Variants in OTOGL observed in about 807,000 individuals in gnomAD.
OTOGL encodes otogelin-like protein.
OTOGL carries 285 observed loss-of-function variants against 318.5 expected under a neutral mutation model. The observed-to-expected ratio is 0.89, with a 90% CI of 0.81 to 0.99. The LOEUF is 0.99. Among genes scored for constraint, OTOGL ranks in the 50% least tolerant of loss-of-function variants. OTOGL has a pLI of 0.00. For missense variants in OTOGL, 2,899 were observed against 2,845.6 expected (o/e 1.02, Z -0.43); for synonymous variants, 987 against 936.5 (o/e 1.05, Z -0.99).
chr12:80,281,274 C>G (rs114024930), intron 26 of OTOGL, among the ~76,000 whole-genome samples: 1,939 of 151,722 alleles, frequency 0.013, 40 homozygotes, highest in African/African-American at 0.044. Flanking sequence ...TCTTGTTCCA[C>G]TTCTCAGTGG....
chr12:80,207,887 A>G (rs1264246402), intron 1 of OTOGL, among the ~76,000 whole-genome samples: 1 of 152,198 alleles, frequency 6.6e-6, no homozygotes, highest in African/African-American at 2.4e-5. Context: ...TATATTTTTG[A>G]ACTAATATTT....
chr12:80,249,897 C>T (rs893615902), intron 11 of OTOGL, among the ~76,000 whole-genome samples: 2 of 152,122 alleles, frequency 1.3e-5, no homozygotes, highest in Admixed American at 6.5e-5. Flanking sequence ...GTCTGAAATG[C>T]GCAATATTCG....
At chr12:80,311,547 C>T (rs183410873) in intron 30 of OTOGL, among the ~76,000 whole-genome samples, 291 of 146,952 alleles carry the variant, frequency 2.0e-3, no homozygotes, top group African/African-American at 7.1e-3. Flanking sequence ...CTCAGCCTCC[C>T]GAGTAGCTGG....
At chr12:80,254,943 C>A in intron 15 of OTOGL, 97 bp from the exon 16 acceptor site, 1 of 1,045,476 alleles carries the variant, frequency 9.6e-7, no homozygotes, top group Non-Finnish European at 1.3e-6. Flanking sequence ...AGTTGATCTG[C>A]TTTTAAAGGA....
chr12:80,251,775 T>C lies in OTOGL; in HGVS notation c.1135T>C (p.Trp379Arg). The C allele has an allele frequency of 1.3e-6, 2 of 1,585,460 alleles. No homozygotes were observed. Among genetic ancestry groups the C allele is most frequent in the Non-Finnish European group, 1.7e-6 (2 of 1,164,544 alleles). The change falls in exon 12 of 59, where the codon TGG (tryptophan) becomes CGG (arginine). Residue 379 changes from tryptophan (W) to arginine (R), a missense_variant. By Grantham distance (101) the Trp-to-Arg change is moderately radical. This residue lies in a region of OTOGL where 2,607 missense variants were observed against 2,524.9 expected (regional missense o/e 1.03). Coordinates refer to ENST00000547103, the MANE Select transcript of OTOGL (RefSeq NM_001378609.3). ...TCATGCTGGCTACCCTATTCAAGAC[T>C]GGAGAGATGACTTTCCAGCATGCAG... Reference protein sequence around the residue: ...CSHAGYPIQDWRDDFPACTDK... With the variant: ...CSHAGYPIQDRRDDFPACTDK...
intron 26 of OTOGL, among the ~76,000 whole-genome samples, chr12:80,296,518 T>C (rs1468766062): frequency 6.6e-6 from 1 of 152,160 alleles, no homozygotes; most frequent in African/African-American, 2.4e-5. Flanking sequence ...TGACATATTG[T>C]TTTGTTGATT....
At chr12:80,126,004 T>C (rs2137109302) in intron 1 of OTOGL, among the ~76,000 whole-genome samples, 1 of 152,294 alleles carries the variant, frequency 6.6e-6, no homozygotes, top group Admixed American at 6.5e-5. Flanking sequence ...CTGGAATCAT[T>C]GATTTTTTGA....
Position 80,336,825 on chromosome 12 carries a change from G to C in OTOGL, c.4767+5G>C. 3.3e-6 allele frequency: 5 copies of C among 1,530,734 alleles called. No homozygotes were observed. Among genetic ancestry groups the C allele is most frequent in the Non-Finnish European group, 4.4e-6 (5 of 1,130,294 alleles). The allele number at this position is 1,530,734 out of a possible 1,614,324, so 94.8% of individuals were successfully genotyped here. A position where few individuals can be genotyped will look rare whatever the true frequency, so the allele number is the denominator to read the frequency against. ...GGAAACTCCTTAAAAAAGCTAGTGAGTATTTGCAAAGTGTTTAGTACATTC... is the reference window on the plus strand; with the variant it reads ...GGAAACTCCTTAAAAAAGCTAGTGACTATTTGCAAAGTGTTTAGTACATTC... On this transcript the variant is annotated splice_donor_5th_base_variant and intron_variant, in intron 41 of 58. Transcript: ENST00000547103.
intron 1 of OTOGL, among the ~76,000 whole-genome samples, chr12:80,140,090 C>T (rs1871834420): frequency 6.6e-6 from 1 of 152,188 alleles, no homozygotes; most frequent in African/African-American, 2.4e-5. Context: ...GTCACATTCA[C>T]TCCAGTTCCA....
chr12:80,127,018 A>G (rs755152494), intron 1 of OTOGL, among the ~76,000 whole-genome samples: 6 of 152,168 alleles, frequency 3.9e-5, no homozygotes, highest in African/African-American at 4.8e-5. Flanking sequence ...GTGTCTTTTA[A>G]TTGGAGCATT....
Position 80,335,985 on chromosome 12 carries a change from A to G in OTOGL, c.4445A>G (p.Tyr1482Cys). The change falls in exon 39 of 59, where the codon TAT (tyrosine) becomes TGT (cysteine). Residue 1482 changes from tyrosine (Y) to cysteine (C), a missense_variant. This residue lies in a region of OTOGL where 2,607 missense variants were observed against 2,524.9 expected (regional missense o/e 1.03). Transcript: ENST00000547103. ...CAGCCTCAGAAATTTGATCCTGTTT[A>G]TGATTGTAGCCAATACATATGCCTT... ...ECEPQKFDPV[Y>C]DCSQYICLNM... 1 of 1,583,626 alleles carries G rather than the reference A, an allele frequency of 6.3e-7. No homozygotes were observed.
At chr12:80,184,426 C>T (rs1023432278) in intron 1 of OTOGL, among the ~76,000 whole-genome samples, 4 of 152,064 alleles carry the variant, frequency 2.6e-5, no homozygotes, top group South Asian at 2.1e-4. Flanking sequence ...TAGTAAAAGA[C>T]GTATTTTTTT....
At chr12:80,258,085 T>A in intron 18 of OTOGL, 83 bp downstream of exon 18, 2 of 1,208,434 alleles carry the variant, frequency 1.7e-6, no homozygotes, top group African/African-American at 1.6e-5. Flanking sequence ...TTTACTTAAC[T>A]AATAATTGCT....
chr12:80,360,288 A>G (rs1175857338), intron 52 of OTOGL, among the ~76,000 whole-genome samples: 1 of 151,878 alleles, frequency 6.6e-6, no homozygotes, highest in South Asian at 2.1e-4. Context: ...AGTCTGACCT[A>G]GCCCTTTTCT....
intron 1 of OTOGL, among the ~76,000 whole-genome samples, chr12:80,108,928 ATGTG>A (rs1255638977): frequency 4.5e-5 from 4 of 88,162 alleles, no homozygotes; most frequent in African/African-American, 2.0e-4. Flanking sequence ...GTATATATAT[ATGTG>A]TGTGTATATA....
rs970904214 is a variant in OTOGL at position 80,246,086 on chromosome 12, T to C, written c.1053-5607T>C. ...GGCTGAGACAATGGGGTTTTCTAGATACACAATCATGTCATCTGCAAACAG... is the reference window on the plus strand; with the variant it reads ...GGCTGAGACAATGGGGTTTTCTAGACACACAATCATGTCATCTGCAAACAG... On this transcript the variant is annotated intron_variant, in intron 11 of 58. Transcript: ENST00000547103. Among the ~76,000 whole-genome samples, 343 of 151,836 alleles carry C rather than the reference T, an allele frequency of 2.3e-3. 5 individuals are homozygous for C. Among genetic ancestry groups the C allele is most frequent in the African/African-American group, 8.0e-3 (328 of 41,126 alleles).
intron 4 of OTOGL, among the ~76,000 whole-genome samples, chr12:80,214,304 A>G (rs558324751): frequency 6.6e-6 from 1 of 152,354 alleles, no homozygotes; most frequent in East Asian, 1.9e-4. Context: ...TGCATTAATG[A>G]GGGGCTTTCT....
At position 80,339,175 on chromosome 12, in the gene OTOGL, T is replaced by G. The variant is rs773336149; in HGVS notation, c.4961T>G (p.Leu1654Arg). ...TATGTAATTACTACTCCAGCTGGAC[T>G]AATCATAAAGTGGTCTCATCTTACA... ...SMYVITTPAGLIIKWSHLTGI... is the reference protein window; with the variant it reads ...SMYVITTPAGRIIKWSHLTGI... The change falls in exon 43 of 59, where the codon CTA becomes CGA. Residue 1654 changes from leucine to arginine, a missense_variant. Around this residue, in one of 3 missense-constraint regions of OTOGL, gnomAD observed 2,607 missense variants for 2,524.9 expected, o/e 1.03. Transcript: ENST00000547103. 4.3e-6 allele frequency: 7 copies of G among 1,611,408 alleles called. No homozygotes were observed. The East Asian group carries it at 1.3e-4, about 31-fold the overall frequency.
At position 80,109,971 on chromosome 12, in the gene OTOGL, C is replaced by T. The variant is rs186880439; in HGVS notation, c.-20+10366C>T. 6.7e-3 allele frequency among the ~76,000 whole-genome samples: 1,017 copies of T among 151,926 alleles called. 15 individuals carry two copies. The highest frequency in any genetic ancestry group is 0.022 in the African/African-American group (896 of 41,428). The stretch of plus-strand genomic sequence containing the variant: ...TACCTTAAGTTCTGGGATACATGTG[C>T]AGAACATGCAGGTTTGTTACATAGG... On this transcript the variant is annotated intron_variant, in intron 1 of 58. Coordinates refer to ENST00000547103, the MANE Select transcript of OTOGL (RefSeq NM_001378609.3).
Sources: gnomAD v4.1 joint callset for allele counts (sites outside exome capture counted in the v4.1 genomes callset) on GRCh38, gnomAD v4.1.1 for gene constraint, gnomAD v4.1.1 regional missense constraint, MANE v1.5 for transcripts, NCBI Gene and HGNC (gene_info 2026-07-23, HGNC 2026-07-21) for gene names.